PRKD2: variants seen among roughly 807,000 people sequenced by gnomAD.
PRKD2 encodes protein kinase D2, also known as serine/threonine-protein kinase D2.
A neutral mutation model predicts 86.0 loss-of-function variants in PRKD2; 22 were observed. The observed-to-expected ratio is 0.26, with a 90% CI of 0.18 to 0.37. The LOEUF is 0.37. Ranked by LOEUF, PRKD2 falls within the 10% of genes least tolerant of loss-of-function variation. PRKD2 has a pLI of 1.00. For missense variants in PRKD2, 818 were observed against 1,199.2 expected, an observed-to-expected ratio of 0.68 and a Z score of 4.70; for synonymous variants, 509 against 510.9, an observed-to-expected ratio of 1.00 and a Z score of 0.05.
At chr19:46,679,141 G>A (rs531048313) in intron 15 of PRKD2, among the ~76,000 whole-genome samples, 1 of 151,978 alleles carries the variant, frequency 6.6e-6, no homozygotes, top group Non-Finnish European at 1.5e-5. Flanking sequence ...TCAGGAGTTC[G>A]AGACCAGCCT....
chr19:46,713,085 C>T (rs538596784), intron 2 of PRKD2, among the ~76,000 whole-genome samples: 4 of 151,098 alleles, frequency 2.6e-5, no homozygotes, highest in South Asian at 4.2e-4. Flanking sequence ...GTGACATGAT[C>T]GTGGCTCACT....
In PRKD2 at chr19:46,693,020, C is replaced by T. The variant is rs555836383; in HGVS notation, c.1576+855G>A. On this transcript the variant is annotated intron_variant, in intron 10 of 17. Coordinates refer to ENST00000291281, the MANE Select transcript of PRKD2 (RefSeq NM_016457.5). This position sits in a 1 kb window ranked among gnomAD's most constrained non-coding sequence, Gnocchi z 4.5. ...GGGTGGGAACCTGGTACTCTCTCAA[C>T]ATTTTTTGCCTCTGCCTAAAATGAC... is the stretch of plus-strand genomic sequence containing the variant. Among the ~76,000 whole-genome samples, 1 of 152,172 alleles carries T rather than the reference C, an allele frequency of 6.6e-6. No homozygotes were observed. Among genetic ancestry groups the T allele is most frequent in the Admixed American group, 6.5e-5 (1 of 15,276 alleles).
chr19:46,711,183 T>C, intron 2 of PRKD2, 145 bp from the exon 3 acceptor site: 1 of 1,223,134 alleles, frequency 8.2e-7, no homozygotes, highest in Non-Finnish European at 1.1e-6. Context: ...TACTACATTC[T>C]GCCTGGGTTC....
intron 2 of PRKD2, 149 bp downstream of exon 2, chr19:46,713,714 C>T (rs1049608538): frequency 4.0e-6 from 3 of 751,198 alleles, no homozygotes; most frequent in Non-Finnish European, 6.2e-6. Flanking sequence ...ATCCCCCCAG[C>T]TCCAGCTCAG....
At chr19:46,683,013 T>C (rs559054863) in intron 14 of PRKD2, among the ~76,000 whole-genome samples, 1 of 151,684 alleles carries the variant, frequency 6.6e-6, no homozygotes, top group Non-Finnish European at 1.5e-5. Flanking sequence ...ATTTTTTTTT[T>C]GAAGAGATGG....
chr19:46,681,839 CTTTTTTT>C, intron 14 of PRKD2, 91 bp from the exon 15 acceptor site: 1 of 486,010 alleles, frequency 2.1e-6, no homozygotes. Flanking sequence ...CCCATCCATA[CTTTTTTT>C]TTTTTTTTTT....
At chr19:46,674,766 G>C in intron 17 of PRKD2, 31 bp from the exon 18 acceptor site, 1 of 1,587,542 alleles carries the variant, frequency 6.3e-7, no homozygotes, top group Non-Finnish European at 8.5e-7. Context: ...GTTAGCTTGG[G>C]GTCTGCATTG....
chr19:46,687,337 A>C (rs1326698497), intron 14 of PRKD2, among the ~76,000 whole-genome samples: 1 of 152,200 alleles, frequency 6.6e-6, no homozygotes, highest in Non-Finnish European at 1.5e-5. Context: ...GGCTGCAGTG[A>C]GCCATGATTG....
chr19:46,705,729 G>A (rs1172209760), intron 3 of PRKD2, among the ~76,000 whole-genome samples: 2 of 151,396 alleles, frequency 1.3e-5, no homozygotes, highest in Non-Finnish European at 2.9e-5. Context: ...AGAGGTTGTA[G>A]TGAGCTGAGA....
At chr19:46,715,670 G>T (rs983602350) in intron 1 of PRKD2, among the ~76,000 whole-genome samples, 2 of 152,158 alleles carry the variant, frequency 1.3e-5, no homozygotes, top group African/African-American at 4.8e-5. Flanking sequence ...GCAGAATTGG[G>T]CTCCGAGACC....
chr19:46,707,290 G>A (rs2053727284), intron 3 of PRKD2, among the ~76,000 whole-genome samples: 1 of 152,120 alleles, frequency 6.6e-6, no homozygotes, highest in Non-Finnish European at 1.5e-5. Context: ...GGCTCTAATT[G>A]CAGGGCACAC....
At position 46,715,739 on chromosome 19, in the gene PRKD2, A is replaced by G. The variant is rs73565161; in HGVS notation, c.240+392T>C. 2.5e-3 allele frequency among the ~76,000 whole-genome samples: 375 copies of G among 151,934 alleles called. 3 individuals carry two copies. The highest frequency in any genetic ancestry group is 7.8e-3 in the African/African-American group (320 of 41,222). Reference sequence around the variant, plus strand: ...CACCCACACATGTCACCGGATCACCATGGCCAGCCCGGGTTCAATTTCTCC... The same window carrying G: ...CACCCACACATGTCACCGGATCACCGTGGCCAGCCCGGGTTCAATTTCTCC... On this transcript the variant is annotated intron_variant, in intron 1 of 17. Transcript: ENST00000291281.
At chr19:46,699,144 G>T (rs1032449616) in intron 7 of PRKD2, among the ~76,000 whole-genome samples, 1 of 151,992 alleles carries the variant, frequency 6.6e-6, no homozygotes, top group African/African-American at 2.4e-5. Context: ...CTGGAACACG[G>T]TGCCTCCACC....
Position 46,689,678 on chromosome 19 carries a change from G to C in PRKD2, c.1830C>G (p.Ile610Met). Residue 610 changes from isoleucine to methionine, a missense_variant, in exon 14 of 18, where the codon ATC becomes ATG. Coordinates refer to ENST00000291281, the MANE Select transcript of PRKD2 (RefSeq NM_016457.5). ...TCTCGAACATGCACTCCAGGTTCACGATCCCGGGATGCCGCAGGCTCTGCA... is the reference window on the plus strand; with the variant it reads ...TCTCGAACATGCACTCCAGGTTCACCATCCCGGGATGCCGCAGGCTCTGCA... ...AILQSLRHPG[I>M]VNLECMFETP... 7 of 1,614,080 alleles carry C rather than the reference G, an allele frequency of 4.3e-6. No homozygotes were observed. Among genetic ancestry groups the C allele is most frequent in the Non-Finnish European group, 4.2e-6 (5 of 1,179,988 alleles).
intron 2 of PRKD2, among the ~76,000 whole-genome samples, chr19:46,712,535 C>T (rs1381661308): frequency 6.6e-6 from 1 of 151,750 alleles, no homozygotes; most frequent in Non-Finnish European, 1.5e-5. Flanking sequence ...AGCGAGACTC[C>T]GTCTAAAAAA....
intron 16 of PRKD2, chr19:46,676,994 G>A (rs953907837): frequency 2.0e-5 from 3 of 150,898 alleles, no homozygotes; most frequent in Non-Finnish European, 4.4e-5. Flanking sequence ...CCAAGAGGTG[G>A]AGGTTGCAGT....
rs780107690 is a variant in PRKD2, at chr19:46,704,409, G to C, written c.667-18C>G. 6.2e-7 allele frequency: 1 copy of C among 1,613,876 alleles called. No homozygotes were observed. Among genetic ancestry groups the C allele is most frequent in the Non-Finnish European group, 8.5e-7 (1 of 1,179,980 alleles). On this transcript the variant is annotated intron_variant, in intron 4 of 17. Coordinates refer to ENST00000291281, the MANE Select transcript of PRKD2 (RefSeq NM_016457.5). ...CTACGGCTCTGTCGTTGGCAAGAAT[G>C]GAGGGGACACATCAGTGCGTTGGCC...
chr19:46,695,832 A>T (rs2053549982), intron 9 of PRKD2, among the ~76,000 whole-genome samples: 1 of 151,992 alleles, frequency 6.6e-6, no homozygotes, highest in South Asian at 2.1e-4. Context: ...GGACAGCATT[A>T]TATTTTATTT....
chr19:46,695,179 A>G (rs1223936576), intron 9 of PRKD2, among the ~76,000 whole-genome samples: 1 of 151,598 alleles, frequency 6.6e-6, no homozygotes, highest in African/African-American at 2.4e-5. Flanking sequence ...AGACAGGGCA[A>G]GAGCCTGTCT....
Sources: gnomAD v4.1 joint callset for allele counts (sites outside exome capture counted in the v4.1 genomes callset) on GRCh38, gnomAD v4.1.1 for gene constraint, Gnocchi (gnomAD v3.1) non-coding constraint, MANE v1.5 for transcripts, NCBI Gene and HGNC (gene_info 2026-07-23, HGNC 2026-07-21) for gene names.